The following PRDM2 variants were observed in gnomAD, a reference collection of about 807,000 sequenced individuals.
The protein encoded by PRDM2 is PR domain zinc finger protein 2.
In PRDM2, 30 loss-of-function variants were observed where a neutral mutation model predicts 130.0. That is an observed-to-expected ratio of 0.23 (90% confidence interval 0.17 to 0.31). The LOEUF is 0.31. Among genes scored for constraint, PRDM2 ranks in the 10% least tolerant of loss-of-function variants. PRDM2 has a pLI of 1.00. For synonymous variants in PRDM2, 871 were observed against 782.4 expected (o/e 1.11, Z -1.89); for missense variants, 2,011 against 2,108.4 (o/e 0.95, Z 0.90).
intron 6 of PRDM2, among the ~76,000 whole-genome samples, chr1:13,756,901 G>C (rs1643968962): frequency 6.6e-6 from 1 of 152,208 alleles, no homozygotes; most frequent in Admixed American, 6.5e-5. Flanking sequence ...GGAAACTGAT[G>C]CTCCGAGGGG....
At chr1:13,748,992 G>A (rs1419294526) in intron 5 of PRDM2, among the ~76,000 whole-genome samples, 1 of 152,218 alleles carries the variant, frequency 6.6e-6, no homozygotes, top group African/African-American at 2.4e-5. Context: ...TTTCAGTTAT[G>A]CTTTACATTT....
intron 6 of PRDM2, 145 bp downstream of exon 6, chr1:13,749,632 C>G (rs915536399): frequency 1.6e-5 from 6 of 366,246 alleles, no homozygotes; most frequent in African/African-American, 1.3e-4. Context: ...TGACCTTTTC[C>G]GGACTCGGCC....
chr1:13,731,353 C>T (rs557040616), intron 3 of PRDM2, among the ~76,000 whole-genome samples: 18 of 152,134 alleles, frequency 1.2e-4, no homozygotes, highest in Non-Finnish European at 2.6e-4. Context: ...CACACACACA[C>T]GTAGGTCCCA....
At chr1:13,815,403 C>T (rs1645241599) in intron 8 of PRDM2, among the ~76,000 whole-genome samples, 1 of 152,216 alleles carries the variant, frequency 6.6e-6, no homozygotes, top group African/African-American at 2.4e-5. Flanking sequence ...TGAGCCACCG[C>T]ACCTGGCCGG....
intron 8 of PRDM2, chr1:13,787,859 A>G (rs1644773177): frequency 7.1e-6 from 7 of 983,924 alleles, no homozygotes; most frequent in Non-Finnish European, 8.4e-6. Context: ...GGGGTTGTCC[A>G]TTGATTTTAA....
At chr1:13,730,866 GT>G (rs1459672407) in intron 2 of PRDM2, 133 bp from the exon 3 acceptor site, 1 of 609,978 alleles carries the variant, frequency 1.6e-6, no homozygotes, top group Non-Finnish European at 2.9e-6. Context: ...TGACATCATC[GT>G]TTTGGTCTGT....
chr1:13,758,716 GC>G (rs1448324899), intron 6 of PRDM2, among the ~76,000 whole-genome samples: 6 of 152,150 alleles, frequency 3.9e-5, no homozygotes, highest in Admixed American at 3.3e-4. Context: ...ATTTATTGTA[GC>G]TGCTTGCTAT....
At chr1:13,758,839 TTTTTTA>T (rs1441728981) in intron 6 of PRDM2, among the ~76,000 whole-genome samples, 23 of 152,322 alleles carry the variant, frequency 1.5e-4, no homozygotes, top group African/African-American at 5.5e-4. Context: ...GTACATACCA[TTTTTTA>T]TTTTTAATAG....
At chr1:13,720,759 G>A (rs1642700304) in intron 2 of PRDM2, among the ~76,000 whole-genome samples, 1 of 152,136 alleles carries the variant, frequency 6.6e-6, no homozygotes, top group South Asian at 2.1e-4. Flanking sequence ...TAACAGATAA[G>A]AAAGTGAATA....
intron 3 of PRDM2, among the ~76,000 whole-genome samples, chr1:13,732,000 G>A (rs1643126923): frequency 6.6e-6 from 1 of 152,120 alleles, no homozygotes; most frequent in Non-Finnish European, 1.5e-5. Flanking sequence ...TAGCAGGATA[G>A]GACTGGCCCA....
intron 1 of PRDM2, among the ~76,000 whole-genome samples, chr1:13,702,673 T>C (rs1642103970): frequency 6.6e-6 from 1 of 152,206 alleles, no homozygotes; most frequent in African/African-American, 2.4e-5. Flanking sequence ...CCTGTTTCTT[T>C]TCAAGTTCCA....
In PRDM2 at chr1:13,714,253, C is replaced by T. The variant is rs111906292; in HGVS notation, c.-65-1288C>T. ...GTTCAATATGTGATGTTTACTAAGG[C>T]AGGACATGTAAATATAGATGAGAAA... On this transcript the variant is annotated intron_variant, in intron 1 of 9. Coordinates refer to ENST00000311066, the MANE Select transcript of PRDM2 (RefSeq NM_001393986.1). Among the ~76,000 whole-genome samples, 695 of 151,718 alleles carry T rather than the reference C, an allele frequency of 4.6e-3. 7 individuals are homozygous for T. Among genetic ancestry groups the T allele is most frequent in the African/African-American group, 0.016 (662 of 41,306 alleles).
chr1:13,806,900 C>T lies in PRDM2; in HGVS notation c.5037-9527C>T, dbSNP rs1045155278. 1.3e-5 allele frequency among the ~76,000 whole-genome samples: 2 copies of T among 152,162 alleles called. No homozygotes were observed. The highest frequency in any genetic ancestry group is 1.5e-5 in the Non-Finnish European group (1 of 68,036). On this transcript the variant is annotated intron_variant, in intron 8 of 9. Transcript: ENST00000311066. This position sits in a 1 kb window ranked among gnomAD's most constrained non-coding sequence, Gnocchi z 4.1. The stretch of plus-strand genomic sequence containing the variant: ...CCTCAGGGCCTTTGCACTTCCTGTC[C>T]CCACTTCCTGGAACGCACAAGGCGT...
Position 13,823,430 on chromosome 1 carries a change from G to T in PRDM2, c.*295G>T. 1.8e-6 allele frequency: 1 copy of T among 547,868 alleles called. No homozygotes were observed. 33.9% of individuals were successfully genotyped at this position (547,868 alleles called of 1,614,324 possible). On this transcript the variant is annotated 3_prime_UTR_variant, in exon 10 of 10. Coordinates refer to ENST00000311066, the MANE Select transcript of PRDM2 (RefSeq NM_001393986.1). The stretch of plus-strand genomic sequence containing the variant: ...GATGCAGCTCTTGGGACCGTGTTCT[G>T]CAGCCCAGCCTTCCTGTTGGGGTGG...
chr1:13,747,642 A>G (rs1643651585), intron 5 of PRDM2, among the ~76,000 whole-genome samples: 1 of 152,092 alleles, frequency 6.6e-6, no homozygotes, highest in Admixed American at 6.5e-5. Flanking sequence ...GACTGTGTAG[A>G]CAGTGAGAGT....
chr1:13,723,921 CCCTAAACTTG>C (rs1345570606), intron 2 of PRDM2, among the ~76,000 whole-genome samples: 1 of 152,216 alleles, frequency 6.6e-6, no homozygotes, highest in African/African-American at 2.4e-5. Flanking sequence ...CTGTCTACAG[CCCTAAACTTG>C]CCTCTCTGGA....
At position 13,778,754 on chromosome 1, in the gene PRDM2, T is replaced by C; in HGVS notation, c.959T>C (p.Leu320Ser). 1.2e-6 allele frequency: 2 copies of C among 1,614,100 alleles called. No individual in the cohort carries two copies. Among genetic ancestry groups the C allele is most frequent in the Non-Finnish European group, 1.7e-6 (2 of 1,180,030 alleles). ...IRCDEKPEDL[L>S]EEPKTTSEET... ...TGTGATGAGAAGCCAGAAGATTTAT[T>C]AGAGGAACCAAAAACAACTTCAGAA... Residue 320 changes from leucine to serine, a missense_variant, in exon 8 of 10, where the codon TTA becomes TCA. Physicochemically the swap from Leu to Ser is moderately radical, Grantham distance 145. Coordinates refer to ENST00000311066, the MANE Select transcript of PRDM2 (RefSeq NM_001393986.1).
rs565195667 is a variant in PRDM2 at position 13,806,102 on chromosome 1, T to C, written c.5037-10325T>C. On this transcript the variant is annotated intron_variant, in intron 8 of 9. Coordinates refer to ENST00000311066, the MANE Select transcript of PRDM2 (RefSeq NM_001393986.1). This position sits in a 1 kb window ranked among gnomAD's most constrained non-coding sequence, Gnocchi z 4.1. ...GCCCCCAGGATGCTCAATGCAGTGG[T>C]TGGTTTCCAGTCCCATCTCCCTTGG... Among the ~76,000 whole-genome samples, 1 of 152,258 alleles carries C rather than the reference T, an allele frequency of 6.6e-6. No individual in the cohort carries two copies. The highest frequency in any genetic ancestry group is 2.4e-5 in the African/African-American group (1 of 41,570).
At chr1:13,816,688 C>A in intron 9 of PRDM2, 118 bp downstream of exon 9, 1 of 1,347,802 alleles carries the variant, frequency 7.4e-7, no homozygotes, top group Non-Finnish European at 1.0e-6. Flanking sequence ...CTTGTGTGTA[C>A]CAGGCACGGT....
Sources: gnomAD v4.1 joint callset for allele counts (sites outside exome capture counted in the v4.1 genomes callset) on GRCh38, gnomAD v4.1.1 for gene constraint, Gnocchi (gnomAD v3.1) non-coding constraint, MANE v1.5 for transcripts, NCBI Gene and HGNC (gene_info 2026-07-23, HGNC 2026-07-21) for gene names.